LRP1B: variants seen among roughly 807,000 people sequenced by gnomAD.
LRP1B encodes the protein LDL receptor related protein 1B.
A neutral mutation model predicts 556.6 loss-of-function variants in LRP1B; 217 were observed. That is an observed-to-expected ratio of 0.39 (90% CI 0.35 to 0.44). The LOEUF is 0.44. Among genes scored for constraint, LRP1B ranks in the 20% least tolerant of loss-of-function variants. The pLI is 1.00. For missense variants in LRP1B, 5,053 were observed against 5,620.8 expected (o/e 0.90, Z 3.23); for synonymous variants, 2,047 against 1,865.8 (o/e 1.10, Z -2.50).
At chr2:141,386,572 C>A (rs1235394143) in intron 3 of LRP1B, among the ~76,000 whole-genome samples, 2 of 151,964 alleles carry the variant, frequency 1.3e-5, no homozygotes, top group East Asian at 3.8e-4. Flanking sequence ...GAGATAGTTA[C>A]ATTAACATCA....
intron 35 of LRP1B, among the ~76,000 whole-genome samples, chr2:140,721,464 A>T (rs774431678): frequency 3.3e-5 from 5 of 151,898 alleles, no homozygotes; most frequent in Non-Finnish European, 7.4e-5. Flanking sequence ...GATATCCACA[A>T]ATTTGATATG....
intron 2 of LRP1B, among the ~76,000 whole-genome samples, chr2:141,591,017 A>C (rs552263953): frequency 6.6e-6 from 1 of 152,246 alleles, no homozygotes; most frequent in South Asian, 2.1e-4. Context: ...AGCCATGGTA[A>C]ATAGCCTACG....
At chr2:140,938,104 T>C (rs566889796) in intron 20 of LRP1B, among the ~76,000 whole-genome samples, 18 of 152,110 alleles carry the variant, frequency 1.2e-4, no homozygotes, top group African/African-American at 4.3e-4. Context: ...CTTGTTACCA[T>C]TATATACTTA....
At chr2:141,169,287 AAAATAAATAAATAAATAAAT>A (rs201628193) in intron 7 of LRP1B, among the ~76,000 whole-genome samples, 50 of 137,786 alleles carry the variant, frequency 3.6e-4, no homozygotes, top group African/African-American at 1.0e-3. Flanking sequence ...CTCTGTCTCA[AAAATAAATAAATAAATAAAT>A]AAATAAATAA....
intron 41 of LRP1B, among the ~76,000 whole-genome samples, chr2:140,662,414 A>C (rs1276943194): frequency 6.6e-6 from 1 of 152,150 alleles, no homozygotes; most frequent in African/African-American, 2.4e-5. Flanking sequence ...TGGATGGAAG[A>C]GGGTAATAAT....
At chr2:141,511,057 G>C (rs1385748586) in intron 2 of LRP1B, among the ~76,000 whole-genome samples, 1 of 152,108 alleles carries the variant, frequency 6.6e-6, no homozygotes, top group Non-Finnish European at 1.5e-5. Flanking sequence ...AGAGTAGCTA[G>C]AGCTTTAAAC....
intron 9 of LRP1B, among the ~76,000 whole-genome samples, chr2:141,055,526 G>A (rs147496498): frequency 4.6e-5 from 7 of 151,904 alleles, no homozygotes; most frequent in South Asian, 4.1e-4. Flanking sequence ...ACTCTTCACC[G>A]GTGAGCAAAA....
At chr2:141,100,938 A>C (rs1439195251) in intron 7 of LRP1B, among the ~76,000 whole-genome samples, 3 of 152,070 alleles carry the variant, frequency 2.0e-5, no homozygotes, top group African/African-American at 4.8e-5. Flanking sequence ...ATTTTTTCCA[A>C]GAGTACAGAA....
chr2:141,870,608 T>A (rs1393388022), intron 1 of LRP1B, among the ~76,000 whole-genome samples: 1 of 152,000 alleles, frequency 6.6e-6, no homozygotes, highest in East Asian at 1.9e-4. Flanking sequence ...AAATTCACTC[T>A]TGCTTGCATT....
chr2:140,407,983 G>A (rs1004481823), intron 66 of LRP1B, among the ~76,000 whole-genome samples: 36 of 151,972 alleles, frequency 2.4e-4, no homozygotes, highest in Admixed American at 1.8e-3. Flanking sequence ...ATATACCATG[G>A]AATACTACTC....
At chr2:141,245,166 G>C (rs1344873541) in intron 5 of LRP1B, among the ~76,000 whole-genome samples, 2 of 152,112 alleles carry the variant, frequency 1.3e-5, no homozygotes, top group African/African-American at 2.4e-5. Flanking sequence ...TTTTACATCA[G>C]AACTCTGAGT....
At chr2:141,396,333 C>CA (rs1234542174) in intron 3 of LRP1B, among the ~76,000 whole-genome samples, 4 of 151,916 alleles carry the variant, frequency 2.6e-5, no homozygotes, top group East Asian at 1.9e-4. Flanking sequence ...TTCTCATTAT[C>CA]AAAAAAATAA....
At position 142,115,553 on chromosome 2, in the gene LRP1B, A is replaced by T. The variant is rs1355703047; in HGVS notation, c.82+15095T>A. Among the ~76,000 whole-genome samples, 13 of 22,488 alleles carry T rather than the reference A, an allele frequency of 5.8e-4. 1 individual carries two copies. Among genetic ancestry groups the T allele is most frequent in the Non-Finnish European group, 8.8e-4 (7 of 7,964 alleles). 14.8% of individuals were successfully genotyped at this position (22,488 alleles called of 152,430 possible). A position where few individuals can be genotyped will look rare whatever the true frequency, so the allele number is the denominator to read the frequency against. ...TATATATTACATATGTAATATATAT[A>T]TTATATATGTAATATATATTATATA... is the stretch of plus-strand genomic sequence containing the variant. On this transcript the variant is annotated intron_variant, in intron 1 of 90. Transcript: ENST00000389484.
chr2:141,221,417 T>A (rs1242062672), intron 6 of LRP1B, among the ~76,000 whole-genome samples: 1 of 152,142 alleles, frequency 6.6e-6, no homozygotes, highest in African/African-American at 2.4e-5. Flanking sequence ...AAACAAGTTC[T>A]TAGAGACGTA....
At chr2:141,273,618 GA>G (rs1342955916) in intron 3 of LRP1B, among the ~76,000 whole-genome samples, 1 of 152,128 alleles carries the variant, frequency 6.6e-6, no homozygotes, top group East Asian at 1.9e-4. Context: ...GTTACAACGA[GA>G]AAACTCTTAG....
intron 2 of LRP1B, among the ~76,000 whole-genome samples, chr2:141,639,349 T>TATATACATACAC (rs1262198983): frequency 1.8e-5 from 1 of 56,112 alleles, no homozygotes; most frequent in African/African-American, 6.7e-5. Context: ...TATATATATA[T>TATATACATACAC]ACACACACAC....
intron 35 of LRP1B, among the ~76,000 whole-genome samples, chr2:140,740,334 T>C (rs1688094791): frequency 6.6e-6 from 1 of 152,100 alleles, no homozygotes; most frequent in Non-Finnish European, 1.5e-5. Context: ...TACTCCGCCA[T>C]AAAAAGGAAT....
chr2:141,768,797 CTA>C (rs1337999346), intron 2 of LRP1B, among the ~76,000 whole-genome samples: 1 of 151,846 alleles, frequency 6.6e-6, no homozygotes, highest in African/African-American at 2.4e-5. Context: ...ATACTAATAA[CTA>C]GGGTTATAGT....
At chr2:141,760,577 C>T (rs910373477) in intron 2 of LRP1B, among the ~76,000 whole-genome samples, 1 of 152,072 alleles carries the variant, frequency 6.6e-6, no homozygotes, top group Non-Finnish European at 1.5e-5. Context: ...TTATATACAA[C>T]AATAAAGATG....
Sources: allele counts gnomAD v4.1 joint callset (sites outside exome capture counted in the v4.1 genomes callset), GRCh38; gene constraint gnomAD v4.1.1; transcripts MANE v1.5; gene names NCBI Gene and HGNC (gene_info 2026-07-23, HGNC 2026-07-21).